The following MALRD1 variants were observed in gnomAD, a reference collection of about 807,000 sequenced individuals.
MALRD1 encodes the protein MAM and LDL receptor class A domain containing 1.
Under a neutral mutation model 242.1 loss-of-function variants are expected in MALRD1, and 247 were observed. The observed-to-expected ratio is 1.02, with a 90% CI of 0.92 to 1.13. MALRD1 has a LOEUF of 1.13. MALRD1 is among the 50% of genes most tolerant of loss of function. MALRD1 has a pLI of 0.00. For synonymous variants in MALRD1, 995 were observed against 866.6 expected (o/e 1.15, Z -2.60); for missense variants, 2,989 against 2,533.1 (o/e 1.18, Z -3.86).
intron 32 of MALRD1, among the ~76,000 whole-genome samples, chr10:19,559,967 T>C (rs1835891695): frequency 6.6e-6 from 1 of 152,134 alleles, no homozygotes. Context: ...AGAATGGTGA[T>C]CATTAAAAAG....
chr10:19,203,670 T>C (rs2131614184), intron 14 of MALRD1, 58 bp from the exon 15 acceptor site: 2 of 1,453,610 alleles, frequency 1.4e-6, no homozygotes, highest in East Asian at 2.5e-5. Context: ...GCTCTGCCTT[T>C]TCAAAGTGTG....
At chr10:19,333,583 T>C (rs1262594610) in intron 24 of MALRD1, among the ~76,000 whole-genome samples, 1 of 152,204 alleles carries the variant, frequency 6.6e-6, no homozygotes, top group African/African-American at 2.4e-5. Flanking sequence ...GTCTTTGCTA[T>C]TGTGAATCGT....
At chr10:19,147,588 A>G (rs1422961295) in intron 11 of MALRD1, among the ~76,000 whole-genome samples, 4 of 152,220 alleles carry the variant, frequency 2.6e-5, no homozygotes, top group South Asian at 2.1e-4. Context: ...GTTCAAGCCA[A>G]TTATTAAATA....
At chr10:19,570,102 A>G (rs543819055) in intron 33 of MALRD1, among the ~76,000 whole-genome samples, 10 of 152,158 alleles carry the variant, frequency 6.6e-5, no homozygotes, top group Middle Eastern at 3.4e-3. Context: ...TTTAAAAACA[A>G]AACAAAACAC....
chr10:19,209,536 G>A lies in MALRD1; in HGVS notation c.2847G>A (p.Met949Ile). Reference sequence around the variant, plus strand: ...GCACCTTCCGCTTCTATTACCACATGTTTGGAAAGCGCATTTATAGGTTGG... The same window carrying A: ...GCACCTTCCGCTTCTATTACCACATATTTGGAAAGCGCATTTATAGGTTGG... ...KGCTFRFYYHMFGKRIYRLAI... is the reference protein window; with the variant it reads ...KGCTFRFYYHIFGKRIYRLAI... Residue 949 changes from methionine (M) to isoleucine (I), a missense_variant, in exon 18 of 40, where the codon ATG (methionine) becomes ATA (isoleucine). Met to Ile is a conservative substitution (Grantham distance 10). Transcript: ENST00000454679. 1 of 1,550,738 alleles carries A rather than the reference G, an allele frequency of 6.4e-7. No homozygotes were observed. The highest frequency in any genetic ancestry group is 8.7e-7 in the Non-Finnish European group (1 of 1,147,012).
At chr10:19,505,981 A>G (rs1833118324) in intron 31 of MALRD1, among the ~76,000 whole-genome samples, 1 of 152,206 alleles carries the variant, frequency 6.6e-6, no homozygotes, top group Non-Finnish European at 1.5e-5. Flanking sequence ...GGTCCCACCC[A>G]CAAAGATTCT....
At chr10:19,365,937 A>G (rs939796151) in intron 26 of MALRD1, among the ~76,000 whole-genome samples, 2 of 151,928 alleles carry the variant, frequency 1.3e-5, no homozygotes, top group African/African-American at 4.8e-5. Flanking sequence ...TTTGATGTCT[A>G]TTACCATACA....
chr10:19,731,294 T>C (rs1295718290), intron 39 of MALRD1, among the ~76,000 whole-genome samples: 2 of 152,350 alleles, frequency 1.3e-5, no homozygotes, highest in East Asian at 1.9e-4. Context: ...CCCTTATTTT[T>C]ATAAGCAGGG....
intron 28 of MALRD1, among the ~76,000 whole-genome samples, chr10:19,433,567 T>C (rs1213980462): frequency 6.6e-6 from 1 of 152,186 alleles, no homozygotes; most frequent in Non-Finnish European, 1.5e-5. Flanking sequence ...AGATGGCTTA[T>C]TGGACATGCT....
At chr10:19,428,061 A>G (rs904142561) in intron 28 of MALRD1, among the ~76,000 whole-genome samples, 3 of 151,358 alleles carry the variant, frequency 2.0e-5, no homozygotes, top group Non-Finnish European at 2.9e-5. Context: ...ATCAGCATCA[A>G]CGTTCCCACC....
chr10:19,420,063 A>G (rs1388007235), intron 28 of MALRD1, among the ~76,000 whole-genome samples: 1 of 152,166 alleles, frequency 6.6e-6, no homozygotes, highest in African/African-American at 2.4e-5. Flanking sequence ...AGAAGGTTGC[A>G]CCCTTACAGA....
At chr10:19,294,338 G>C (rs1483764881) in intron 21 of MALRD1, among the ~76,000 whole-genome samples, 1 of 152,100 alleles carries the variant, frequency 6.6e-6, no homozygotes, top group Non-Finnish European at 1.5e-5. Context: ...CCTGTAGTGA[G>C]GCAAGAACTT....
chr10:19,527,389 T>C (rs1414204221), intron 31 of MALRD1, among the ~76,000 whole-genome samples: 1 of 152,180 alleles, frequency 6.6e-6, no homozygotes, highest in Non-Finnish European at 1.5e-5. Context: ...TGTATGCAAT[T>C]GGAGGAATAC....
chr10:19,391,474 T>A (rs542812141), intron 28 of MALRD1, among the ~76,000 whole-genome samples: 1 of 152,326 alleles, frequency 6.6e-6, no homozygotes, highest in Non-Finnish European at 1.5e-5. Flanking sequence ...CCTAGCTAGA[T>A]GGTAAGCCCA....
rs1834656988 is a variant in MALRD1, at chr10:19,165,645, T to C, written c.1665T>C (p.Phe555=). ...LTASTPCQVQ[F]WYHLSQHSNL... The stretch of plus-strand genomic sequence containing the variant: ...AAACATGTTTTCAACAGGTGCAGTT[T>C]TGGTATCATTTGTCTCAACATTCAA... Residue 555 remains phenylalanine, a synonymous_variant, in exon 13 of 40, where the codon TTT becomes TTC. Transcript: ENST00000454679. 8.1e-7 allele frequency: 1 copy of C among 1,231,424 alleles called. No homozygotes were observed. The highest frequency in any genetic ancestry group is 4.1e-5 in the South Asian group (1 of 24,322). The allele number at this position is 1,231,424 out of a possible 1,614,324, so 76.3% of individuals were successfully genotyped here. A position where few individuals can be genotyped will look rare whatever the true frequency, so the allele number is the denominator to read the frequency against.
intron 21 of MALRD1, among the ~76,000 whole-genome samples, chr10:19,292,481 C>T (rs1293600199): frequency 6.6e-6 from 1 of 152,128 alleles, no homozygotes; most frequent in Non-Finnish European, 1.5e-5. Flanking sequence ...AAAAAAAACA[C>T]TGATCGTTAT....
chr10:19,335,172 C>T (rs1041099765), intron 24 of MALRD1, among the ~76,000 whole-genome samples: 45 of 146,956 alleles, frequency 3.1e-4, no homozygotes, highest in African/African-American at 1.1e-3. Context: ...ATTGCAAAAC[C>T]TCTTGTTCTG....
At chr10:19,103,567 A>AAATAAAGATTT (rs1232579564) in intron 4 of MALRD1, among the ~76,000 whole-genome samples, 1 of 138,668 alleles carries the variant, frequency 7.2e-6, no homozygotes, top group Non-Finnish European at 1.5e-5. Flanking sequence ...AAAAAAAAAT[A>AAATAAAGATTT]AATAAAGATT....
intron 21 of MALRD1, among the ~76,000 whole-genome samples, chr10:19,294,816 A>C (rs1841613206): frequency 1.3e-5 from 2 of 152,178 alleles, no homozygotes. Flanking sequence ...AGAAAAATAC[A>C]GTTTTATTTT....
Sources: gnomAD v4.1 joint callset for allele counts (sites outside exome capture counted in the v4.1 genomes callset) on GRCh38, gnomAD v4.1.1 for gene constraint, MANE v1.5 for transcripts, NCBI Gene and HGNC (gene_info 2026-07-23, HGNC 2026-07-21) for gene names.